The following DERA variants were observed in gnomAD, a reference collection of about 807,000 sequenced individuals.
DERA encodes the protein deoxyribose-phosphate aldolase, also known as 2-deoxy-D-ribose 5-phosphate aldolase.
Under a neutral mutation model 41.1 loss-of-function variants are expected in DERA, and 15 were observed. The observed-to-expected ratio is 0.37, with a 90% CI of 0.24 to 0.56. The LOEUF (loss-of-function observed/expected upper bound fraction) is 0.56. Among genes scored for constraint, DERA ranks in the 20% least tolerant of loss-of-function variants. The pLI is 0.81. For missense variants in DERA, 396 were observed against 403.4 expected (o/e 0.98, Z 0.16); for synonymous variants, 139 against 137.4 (o/e 1.01, Z -0.08).
chr12:15,951,609 C>T (rs926602657), intron 1 of DERA, among the ~76,000 whole-genome samples: 3 of 152,136 alleles, frequency 2.0e-5, no homozygotes, highest in Non-Finnish European at 2.9e-5. Flanking sequence ...TGTTATATTT[C>T]CTGCTCAATA....
chr12:15,951,382 A>G (rs1009778374), intron 1 of DERA: 1 of 152,242 alleles, frequency 6.6e-6, no homozygotes, highest in Non-Finnish European at 1.5e-5. Flanking sequence ...GTGTAGCTGT[A>G]TCAGGCTGGC....
chr12:15,958,347 G>T lies in DERA; in HGVS notation c.277+12G>T, dbSNP rs767778217. ...TATGCATGATAAAGGTAATGTTGTTGTGTGTGATCTATGTGGTGTTTAGTG... is the reference window on the plus strand; with the variant it reads ...TATGCATGATAAAGGTAATGTTGTTTTGTGTGATCTATGTGGTGTTTAGTG... On this transcript the variant is annotated intron_variant, in intron 3 of 8. Coordinates refer to ENST00000428559, the MANE Select transcript of DERA (RefSeq NM_015954.4). 1.3e-6 allele frequency: 2 copies of T among 1,591,766 alleles called. No individual in the cohort carries two copies. The highest frequency in any genetic ancestry group is 2.7e-5 in the African/African-American group (2 of 74,308).
chr12:16,011,887 C>T lies in DERA; in HGVS notation c.638-20655C>T, dbSNP rs1948948815. Among the ~76,000 whole-genome samples the T allele has an allele frequency of 3.3e-5, 5 of 152,102 alleles. No homozygotes were observed. The highest frequency in any genetic ancestry group is 7.4e-5 in the Non-Finnish European group (5 of 68,012). On this transcript the variant is annotated intron_variant, in intron 6 of 8. Transcript: ENST00000428559. The surrounding 1 kb of genome is among the most constrained non-coding windows in gnomAD (Gnocchi z 4.7). Reference sequence around the variant, plus strand: ...TTTTCTTTTGTTTACAGGGTACTGGCCTAATTGCCATGAGTCTCATTTTTT... The same window carrying T: ...TTTTCTTTTGTTTACAGGGTACTGGTCTAATTGCCATGAGTCTCATTTTTT...
rs2136136268 is a variant in DERA at position 15,941,198 on chromosome 12, A to T, written c.32-15738A>T. On this transcript the variant is annotated intron_variant, in intron 1 of 8. Transcript: ENST00000428559. This position sits in a 1 kb window ranked among gnomAD's most constrained non-coding sequence, Gnocchi z 4.5. ...ATTTCATGTTCACCTAATCTACAGT[A>T]GCGGCTCATTGACCTACTGACTGTG... Among the ~76,000 whole-genome samples the T allele has an allele frequency of 6.6e-6, 1 of 152,310 alleles. No homozygotes were observed. Among genetic ancestry groups the T allele is most frequent in the East Asian group, 1.9e-4 (1 of 5,190 alleles).
rs574196474 is a variant in DERA, at chr12:16,019,703, A to T, written c.638-12839A>T. ...GTCTCTCCTTGAAGGTCTGTAACAC[A>T]TTCCATCTGTTCCATGAAGCCTTCC... is the stretch of plus-strand genomic sequence containing the variant. On this transcript the variant is annotated intron_variant, in intron 6 of 8. Coordinates refer to ENST00000428559, the MANE Select transcript of DERA (RefSeq NM_015954.4). This position sits in a 1 kb window ranked among gnomAD's most constrained non-coding sequence, Gnocchi z 4.4. Among the ~76,000 whole-genome samples, 1 of 151,680 alleles carries T rather than the reference A, an allele frequency of 6.6e-6. No homozygotes were observed. Among genetic ancestry groups the T allele is most frequent in the East Asian group, 1.9e-4 (1 of 5,180 alleles).
At chr12:15,978,922 T>C in intron 5 of DERA, among the ~76,000 whole-genome samples, 1 of 152,188 alleles carries the variant, frequency 6.6e-6, no homozygotes, top group Non-Finnish European at 1.5e-5. Context: ...TGTTTGAAAA[T>C]AACTCCGTGA....
In DERA at chr12:15,921,280, A is replaced by C. The variant is rs1202660323; in HGVS notation, c.31+9866A>C. Among the ~76,000 whole-genome samples, 2 of 152,156 alleles carry C rather than the reference A, an allele frequency of 1.3e-5. No homozygotes were observed. Among genetic ancestry groups the C allele is most frequent in the Admixed American group, 1.3e-4 (2 of 15,272 alleles). Reference sequence around the variant, plus strand: ...GGACATACTTTATTCAAATGATGCCAGTGGTTAGTGGAAGGATATAATCAG... The same window carrying C: ...GGACATACTTTATTCAAATGATGCCCGTGGTTAGTGGAAGGATATAATCAG... On this transcript the variant is annotated intron_variant, in intron 1 of 8. Coordinates refer to ENST00000428559, the MANE Select transcript of DERA (RefSeq NM_015954.4). The surrounding 1 kb of genome is among the most constrained non-coding windows in gnomAD (Gnocchi z 5.3).
chr12:16,009,835 T>G lies in DERA; in HGVS notation c.638-22707T>G, dbSNP rs1027962126. Reference sequence around the variant, plus strand: ...CAGGAAGTATTAAAGATATTAAATATGTATCAAAAATTTAAAATGCAGGTT... The same window carrying G: ...CAGGAAGTATTAAAGATATTAAATAGGTATCAAAAATTTAAAATGCAGGTT... On this transcript the variant is annotated intron_variant, in intron 6 of 8. Coordinates refer to ENST00000428559, the MANE Select transcript of DERA (RefSeq NM_015954.4). The surrounding 1 kb of genome is among the most constrained non-coding windows in gnomAD (Gnocchi z 5.3). Among the ~76,000 whole-genome samples the G allele has an allele frequency of 1.3e-5, 2 of 152,180 alleles. No individual in the cohort carries two copies. Among genetic ancestry groups the G allele is most frequent in the Non-Finnish European group, 2.9e-5 (2 of 68,040 alleles).
chr12:15,920,286 C>G (rs1016252504), intron 1 of DERA, among the ~76,000 whole-genome samples: 1 of 152,080 alleles, frequency 6.6e-6, no homozygotes, highest in Admixed American at 6.6e-5. Context: ...TGTTTGTTAT[C>G]AGTCCAACCC....
At chr12:15,937,800 A>G (rs1043385717) in intron 1 of DERA, among the ~76,000 whole-genome samples, 1 of 152,216 alleles carries the variant, frequency 6.6e-6, no homozygotes, top group African/African-American at 2.4e-5. Flanking sequence ...GGTTAAGTGA[A>G]TGGCTATACT....
intron 6 of DERA, among the ~76,000 whole-genome samples, chr12:16,007,423 G>A (rs1255440307): frequency 6.6e-6 from 1 of 152,074 alleles, no homozygotes; most frequent in Non-Finnish European, 1.5e-5. Flanking sequence ...GCTCCTAGCA[G>A]TCCACCTGCC....
rs1948992270 is a variant in DERA at position 16,017,697 on chromosome 12, C to T, written c.638-14845C>T. On this transcript the variant is annotated intron_variant, in intron 6 of 8. Coordinates refer to ENST00000428559, the MANE Select transcript of DERA (RefSeq NM_015954.4). The surrounding 1 kb of genome is among the most constrained non-coding windows in gnomAD (Gnocchi z 5.5). ...ATTTGAGGGCTTATATCTTTGCATA[C>T]CCTGCTTAATTTTTTTCCAAGTGTC... Among the ~76,000 whole-genome samples the T allele has an allele frequency of 6.6e-6, 1 of 152,106 alleles. No individual in the cohort carries two copies. Among genetic ancestry groups the T allele is most frequent in the African/African-American group, 2.4e-5 (1 of 41,452 alleles).
rs1414874386 is a variant in DERA, at chr12:16,002,172, C to CGAA, written c.637+19736_637+19737insGAA. Reference sequence around the variant, plus strand: ...ACAACAGCCCTGGTGTGTGATGTTCCCCTTCCTATGTCCATGTGTTCTCAT... The same window carrying CGAA: ...ACAACAGCCCTGGTGTGTGATGTTCCGAACCTTCCTATGTCCATGTGTTCTCAT... On this transcript the variant is annotated intron_variant, in intron 6 of 8. Coordinates refer to ENST00000428559, the MANE Select transcript of DERA (RefSeq NM_015954.4). Among the ~76,000 whole-genome samples the CGAA allele has an allele frequency of 2.7e-5, 4 of 147,218 alleles. No individual in the cohort carries two copies. In the East Asian group the frequency reaches 8.2e-4, roughly 30 times the overall value.
At chr12:15,977,598 G>A (rs1040887402) in intron 5 of DERA, among the ~76,000 whole-genome samples, 8 of 152,212 alleles carry the variant, frequency 5.3e-5, no homozygotes, top group African/African-American at 1.4e-4. Context: ...GGGATTACAG[G>A]CATTTGCCAC....
Position 15,936,881 on chromosome 12 carries a change from T to C in DERA, c.32-20055T>C, listed in dbSNP as rs145956297. 2.6e-3 allele frequency among the ~76,000 whole-genome samples: 340 copies of C among 131,234 alleles called. 2 individuals carry two copies. The East Asian group carries it at 0.028, about 11-fold the overall frequency. The allele number at this position is 131,234 out of a possible 152,430, so 86.1% of individuals were successfully genotyped here. A position where few individuals can be genotyped will look rare whatever the true frequency, so the allele number is the denominator to read the frequency against. Reference sequence around the variant, plus strand: ...TTGTCTTGTCTTGTCTTGTCTTGTCTTGTCTTGTCCTGTCCTGTCCTGTCC... The same window carrying C: ...TTGTCTTGTCTTGTCTTGTCTTGTCCTGTCTTGTCCTGTCCTGTCCTGTCC... On this transcript the variant is annotated intron_variant, in intron 1 of 8. Transcript: ENST00000428559. This position sits in a 1 kb window ranked among gnomAD's most constrained non-coding sequence, Gnocchi z 4.6.
chr12:16,036,487 C>A lies in DERA; in HGVS notation c.900+106C>A. 2 of 1,302,242 alleles carry A rather than the reference C, an allele frequency of 1.5e-6. No individual in the cohort carries two copies. Among genetic ancestry groups the A allele is most frequent in the Non-Finnish European group, 2.1e-6 (2 of 946,108 alleles). The allele number at this position is 1,302,242 out of a possible 1,614,324, so 80.7% of individuals were successfully genotyped here. A position where few individuals can be genotyped will look rare whatever the true frequency, so the allele number is the denominator to read the frequency against. ...AGATAAAAACTCATCTGATTGACCT[C>A]ATCCTACCCAATCCTCTACCTTTTC... On this transcript the variant is annotated intron_variant, in intron 8 of 8. Transcript: ENST00000428559. The surrounding 1 kb of genome is among the most constrained non-coding windows in gnomAD (Gnocchi z 4.9).
In DERA at chr12:16,020,025, G is replaced by A. The variant is rs944265666; in HGVS notation, c.638-12517G>A. Among the ~76,000 whole-genome samples the A allele has an allele frequency of 2.6e-5, 4 of 152,050 alleles. No individual in the cohort carries two copies. Among genetic ancestry groups the A allele is most frequent in the Admixed American group, 6.6e-5 (1 of 15,258 alleles). On this transcript the variant is annotated intron_variant, in intron 6 of 8. Coordinates refer to ENST00000428559, the MANE Select transcript of DERA (RefSeq NM_015954.4). This position sits in a 1 kb window ranked among gnomAD's most constrained non-coding sequence, Gnocchi z 5.5. ...CTCCCCGCATCTCACTCCCACTCTC[G>A]CCATCTGACATGCCTGCTCTCTTTG...
rs1565595621 is a variant in DERA, at chr12:15,957,832, C to T, written c.130-356C>T. Among the ~76,000 whole-genome samples the T allele has an allele frequency of 6.6e-6, 1 of 152,048 alleles. No individual in the cohort carries two copies. Among genetic ancestry groups the T allele is most frequent in the East Asian group, 1.9e-4 (1 of 5,192 alleles). ...GGGAGGTAAAATGTAAGGTAGAAAC[C>T]TTCTTTCGGAGTTCTTCTTTGTCAG... On this transcript the variant is annotated intron_variant, in intron 2 of 8. Coordinates refer to ENST00000428559, the MANE Select transcript of DERA (RefSeq NM_015954.4). This position sits in a 1 kb window ranked among gnomAD's most constrained non-coding sequence, Gnocchi z 4.8.
intron 1 of DERA, among the ~76,000 whole-genome samples, chr12:15,920,395 C>G (rs1438362007): frequency 2.0e-5 from 3 of 152,166 alleles, no homozygotes; most frequent in African/African-American, 4.8e-5. Context: ...CAGGCTCTGT[C>G]TATGCTGGTT....
Sources: allele counts gnomAD v4.1 joint callset (sites outside exome capture counted in the v4.1 genomes callset), GRCh38; gene constraint gnomAD v4.1.1; non-coding constraint Gnocchi (gnomAD v3.1); transcripts MANE v1.5; gene names NCBI Gene and HGNC (gene_info 2026-07-23, HGNC 2026-07-21).